The following EPHA6 variants were observed in gnomAD, a reference collection of about 807,000 sequenced individuals.
EPHA6 encodes ephrin type-A receptor 6.
EPHA6 carries 50 observed loss-of-function variants against 112.0 expected under a neutral mutation model. The observed-to-expected ratio is 0.45, with a 90% CI of 0.36 to 0.56. EPHA6 has a LOEUF of 0.56. EPHA6 is among the 20% of genes least tolerant of loss of function. The pLI, the probability that EPHA6 is intolerant of heterozygous loss-of-function variation, is 0.00. For synonymous variants in EPHA6, 529 were observed against 490.7 expected (o/e 1.08, Z -1.03); for missense variants, 1,280 against 1,417.4 (o/e 0.90, Z 1.56).
intron 2 of EPHA6, among the ~76,000 whole-genome samples, chr3:96,910,951 T>C (rs1428574111): frequency 6.6e-6 from 1 of 152,090 alleles, no homozygotes; most frequent in Non-Finnish European, 1.5e-5. Flanking sequence ...TAAATAATCT[T>C]TTATTCCTGT....
At chr3:97,642,228 T>C (rs1437972682) in intron 14 of EPHA6, among the ~76,000 whole-genome samples, 1 of 93,958 alleles carries the variant, frequency 1.1e-5, no homozygotes, top group Non-Finnish European at 2.2e-5. Context: ...CAGCTGAGGG[T>C]ACTGTCTGTT....
In EPHA6 at chr3:97,281,201, A is replaced by ATGTGTGTGTG. The variant is rs10547257; in HGVS notation, c.1606+36933_1606+36942dup. 6.8e-4 allele frequency among the ~76,000 whole-genome samples: 95 copies of ATGTGTGTGTG among 140,566 alleles called. 1 individual carries two copies. The highest frequency in any genetic ancestry group is 1.9e-3 in the African/African-American group (65 of 34,770). The allele number at this position is 140,566 out of a possible 152,430, so 92.2% of individuals were successfully genotyped here. A position where few individuals can be genotyped will look rare whatever the true frequency, so the allele number is the denominator to read the frequency against. ...TTGCAATCATTAATTCAAAGAGTCT[A>ATGTGTGTGTG]TGTGTGTGTGTGTGTGTGTGTGTGT... On this transcript the variant is annotated intron_variant, in intron 5 of 17. Transcript: ENST00000389672.
At chr3:97,012,938 T>G (rs2044142476) in intron 3 of EPHA6, among the ~76,000 whole-genome samples, 1 of 152,126 alleles carries the variant, frequency 6.6e-6, no homozygotes, top group South Asian at 2.1e-4. Context: ...CTGGGCTTGT[T>G]TATTTATTTA....
At chr3:97,405,859 G>A (rs937329108) in intron 6 of EPHA6, among the ~76,000 whole-genome samples, 1 of 151,640 alleles carries the variant, frequency 6.6e-6, no homozygotes, top group African/African-American at 2.4e-5. Flanking sequence ...TTCCATTTTT[G>A]TCATACATTA....
At chr3:97,510,604 T>A (rs1331784758) in intron 10 of EPHA6, among the ~76,000 whole-genome samples, 2 of 152,038 alleles carry the variant, frequency 1.3e-5, no homozygotes, top group African/African-American at 2.4e-5. Context: ...TGGAGCTCTG[T>A]TATATGGGGT....
chr3:97,333,538 A>G (rs1222212345), intron 5 of EPHA6, among the ~76,000 whole-genome samples: 2 of 145,536 alleles, frequency 1.4e-5, no homozygotes, highest in South Asian at 2.1e-4. Flanking sequence ...CGGTGGTGCA[A>G]TCATGGCTCA....
Position 96,829,201 on chromosome 3 carries a change from T to C in EPHA6, c.385+14193T>C, listed in dbSNP as rs371653613. Among the ~76,000 whole-genome samples the C allele has an allele frequency of 7.8e-4, 119 of 152,256 alleles. 1 individual carries two copies. Among genetic ancestry groups the C allele is most frequent in the African/African-American group, 2.7e-3 (113 of 41,576 alleles). On this transcript the variant is annotated intron_variant, in intron 1 of 17. Transcript: ENST00000389672. ...CTTAAAATATATGAAAGTTCCTTTTTAAAAAGAAATTTGATGGGAGTAGAG... is the reference window on the plus strand; with the variant it reads ...CTTAAAATATATGAAAGTTCCTTTTCAAAAAGAAATTTGATGGGAGTAGAG...
At chr3:96,968,805 GTTA>G (rs1686424564) in intron 2 of EPHA6, among the ~76,000 whole-genome samples, 1 of 151,872 alleles carries the variant, frequency 6.6e-6, no homozygotes, top group Non-Finnish European at 1.5e-5. Context: ...TTGTTATTTA[GTTA>G]GCCTCAAATA....
intron 3 of EPHA6, among the ~76,000 whole-genome samples, chr3:97,169,277 A>C (rs2108421524): frequency 6.6e-6 from 1 of 152,312 alleles, no homozygotes; most frequent in South Asian, 2.1e-4. Flanking sequence ...GTAGCATCAC[A>C]TGTGCTGAGG....
intron 10 of EPHA6, among the ~76,000 whole-genome samples, chr3:97,489,376 C>A (rs1001508613): frequency 9.2e-5 from 14 of 152,270 alleles, no homozygotes; most frequent in Middle Eastern, 3.4e-3. Context: ...TCAACAAACT[C>A]TTTTTCTTTT....
chr3:97,091,163 G>T lies in EPHA6; in HGVS notation c.1114+103170G>T, dbSNP rs142007964. ...ATTACGTTATGTGATTTCCCATCCT[G>T]ATCAATTTTCAGACAGTAGAGCATT... On this transcript the variant is annotated intron_variant, in intron 3 of 17. Coordinates refer to ENST00000389672, the MANE Select transcript of EPHA6 (RefSeq NM_001080448.3). 2.1e-3 allele frequency among the ~76,000 whole-genome samples: 326 copies of T among 152,156 alleles called. 1 individual carries two copies. The highest frequency in any genetic ancestry group is 3.4e-3 in the Middle Eastern group (1 of 294).
At chr3:97,278,428 A>G (rs1484813764) in intron 5 of EPHA6, among the ~76,000 whole-genome samples, 3 of 152,182 alleles carry the variant, frequency 2.0e-5, no homozygotes, top group Non-Finnish European at 4.4e-5. Context: ...TGTGTTTTAA[A>G]GTTTATAAAT....
intron 3 of EPHA6, among the ~76,000 whole-genome samples, chr3:97,118,475 T>C (rs2047955785): frequency 6.6e-6 from 1 of 151,950 alleles, no homozygotes; most frequent in Non-Finnish European, 1.5e-5. Context: ...AGACTGATAA[T>C]TCCCTCTTTT....
intron 5 of EPHA6, among the ~76,000 whole-genome samples, chr3:97,383,392 C>T (rs1197517256): frequency 6.6e-6 from 1 of 151,946 alleles, no homozygotes; most frequent in Non-Finnish European, 1.5e-5. Flanking sequence ...AGAATTAAAA[C>T]AAGTAAAATG....
chr3:97,263,196 TG>T (rs1372330874), intron 5 of EPHA6, among the ~76,000 whole-genome samples: 1 of 152,176 alleles, frequency 6.6e-6, no homozygotes, highest in African/African-American at 2.4e-5. Context: ...AATGTGTTTC[TG>T]GGGAAGACAA....
chr3:97,539,586 A>T (rs553859232), intron 11 of EPHA6, among the ~76,000 whole-genome samples: 1 of 152,284 alleles, frequency 6.6e-6, no homozygotes, highest in South Asian at 2.1e-4. Context: ...GATTGCATTC[A>T]TGATGAATGA....
intron 5 of EPHA6, among the ~76,000 whole-genome samples, chr3:97,311,398 C>T (rs1027421345): frequency 6.6e-6 from 1 of 151,262 alleles, no homozygotes; most frequent in Non-Finnish European, 1.5e-5. Context: ...TGACCATACA[C>T]AGCCTCTTGC....
At chr3:97,215,058 A>T (rs765487775) in intron 3 of EPHA6, among the ~76,000 whole-genome samples, 5 of 152,212 alleles carry the variant, frequency 3.3e-5, no homozygotes, top group African/African-American at 4.8e-5. Context: ...AGGCTATTGA[A>T]CACCATGAGG....
intron 11 of EPHA6, among the ~76,000 whole-genome samples, chr3:97,582,671 G>C (rs1393930250): frequency 1.3e-5 from 2 of 152,090 alleles, no homozygotes; most frequent in Non-Finnish European, 2.9e-5. Flanking sequence ...TTTCAAGACT[G>C]ATTGTGTTCC....
Sources: allele counts gnomAD v4.1 joint callset (sites outside exome capture counted in the v4.1 genomes callset), GRCh38; gene constraint gnomAD v4.1.1; transcripts MANE v1.5; gene names NCBI Gene and HGNC (gene_info 2026-07-23, HGNC 2026-07-21).